The following ADAMTS12 variants were observed in gnomAD, a reference collection of about 807,000 sequenced individuals.
ADAMTS12 encodes the protein ADAM metallopeptidase with thrombospondin type 1 motif 12.
In ADAMTS12, 118 loss-of-function variants were observed where a neutral mutation model predicts 167.8. The observed-to-expected ratio is 0.70, with a 90% CI of 0.61 to 0.82. The LOEUF (loss-of-function observed/expected upper bound fraction) is 0.82, where lower values mean the gene tolerates loss of function less well. Among genes scored for constraint, ADAMTS12 ranks in the 40% least tolerant of loss-of-function variants. ADAMTS12 has a pLI of 0.00. For missense variants in ADAMTS12, 1,916 were observed against 1,998.8 expected (o/e 0.96, Z 0.79); for synonymous variants, 704 against 716.9 (o/e 0.98, Z 0.29).
Position 33,524,609 on chromosome 5 carries a change from T to C in ADAMTS12, c.*2579A>G, listed in dbSNP as rs1390716080. 2 of 152,206 alleles carry C rather than the reference T, an allele frequency of 1.3e-5. No homozygotes were observed. Among genetic ancestry groups the C allele is most frequent in the African/African-American group, 4.8e-5 (2 of 41,442 alleles). 9.4% of individuals were successfully genotyped at this position (152,206 alleles called of 1,614,324 possible). A position where few individuals can be genotyped will look rare whatever the true frequency, so the allele number is the denominator to read the frequency against. ...GGTTCCTGTCTTCAGAGTCTTCCTG[T>C]TGATCTGAGTCCCCTCTTGTACAGC... On this transcript the variant is annotated 3_prime_UTR_variant, in exon 24 of 24. Coordinates refer to ENST00000504830, the MANE Select transcript of ADAMTS12 (RefSeq NM_030955.4).
chr5:33,614,932 T>C lies in ADAMTS12; in HGVS notation c.2389-556A>G, dbSNP rs77225619. On this transcript the variant is annotated intron_variant, in intron 15 of 23. Coordinates refer to ENST00000504830, the MANE Select transcript of ADAMTS12 (RefSeq NM_030955.4). ...TATGTTTGTTATTGTTGTCTTACGA[T>C]GGCTTTCCCTACCTCTCAGGCTACT... Among the ~76,000 whole-genome samples the C allele has an allele frequency of 4.9e-3, 741 of 152,290 alleles. 21 individuals carry two copies. In the South Asian group the frequency reaches 0.079, roughly 16 times the overall value.
intron 5 of ADAMTS12, among the ~76,000 whole-genome samples, chr5:33,667,381 T>C (rs1206525825): frequency 1.3e-5 from 2 of 148,880 alleles, no homozygotes; most frequent in Non-Finnish European, 3.0e-5. Context: ...AGAGTAAATA[T>C]ACAACCTCAA....
At chr5:33,874,456 T>C (rs1247126738) in intron 2 of ADAMTS12, among the ~76,000 whole-genome samples, 3 of 152,096 alleles carry the variant, frequency 2.0e-5, no homozygotes, top group Non-Finnish European at 2.9e-5. Flanking sequence ...TATGGAGCAA[T>C]AGGAACTCAC....
chr5:33,832,691 G>C (rs1215738854), intron 2 of ADAMTS12, among the ~76,000 whole-genome samples: 1 of 152,104 alleles, frequency 6.6e-6, no homozygotes, highest in Non-Finnish European at 1.5e-5. Flanking sequence ...GCTTGGTTTG[G>C]GGACAATAAT....
intron 2 of ADAMTS12, among the ~76,000 whole-genome samples, chr5:33,763,128 C>T (rs1579915375): frequency 6.6e-6 from 1 of 152,138 alleles, no homozygotes; most frequent in East Asian, 1.9e-4. Flanking sequence ...GTGTGGTAGG[C>T]TGAATATAGT....
At chr5:33,637,972 C>T (rs182101629) in intron 11 of ADAMTS12, among the ~76,000 whole-genome samples, 38 of 152,276 alleles carry the variant, frequency 2.5e-4, no homozygotes, top group Admixed American at 5.2e-4. Flanking sequence ...TCATTTCCAC[C>T]TGTATATCCT....
chr5:33,649,333 G>A (rs1443740692), intron 8 of ADAMTS12, among the ~76,000 whole-genome samples: 1 of 152,162 alleles, frequency 6.6e-6, no homozygotes, highest in East Asian at 1.9e-4. Flanking sequence ...ATCTGGGATG[G>A]GACAGGATGC....
chr5:33,608,326 G>C (rs1243773562), intron 16 of ADAMTS12, among the ~76,000 whole-genome samples: 1 of 152,288 alleles, frequency 6.6e-6, no homozygotes, highest in East Asian at 1.9e-4. Flanking sequence ...CAAATAATCA[G>C]AGGTAGATGA....
chr5:33,637,859 A>C, intron 11 of ADAMTS12, 113 bp from the exon 12 acceptor site: 1 of 1,118,110 alleles, frequency 8.9e-7, no homozygotes. Flanking sequence ...TGCCCTCAAA[A>C]CTTACCTTTT....
At chr5:33,697,348 A>G (rs1182506836) in intron 3 of ADAMTS12, among the ~76,000 whole-genome samples, 1 of 152,208 alleles carries the variant, frequency 6.6e-6, no homozygotes, top group East Asian at 1.9e-4. Context: ...GAGGCATTTA[A>G]AAGGAAAAAG....
At chr5:33,791,649 T>C (rs1746574372) in intron 2 of ADAMTS12, among the ~76,000 whole-genome samples, 1 of 152,184 alleles carries the variant, frequency 6.6e-6, no homozygotes, top group Admixed American at 6.5e-5. Flanking sequence ...CCATGAATGC[T>C]TGTTTCTTTG....
chr5:33,795,813 G>A (rs902186216), intron 2 of ADAMTS12, among the ~76,000 whole-genome samples: 1 of 152,140 alleles, frequency 6.6e-6, no homozygotes, highest in South Asian at 2.1e-4. Context: ...GCCTGAGGCC[G>A]ATTACTTCAC....
rs769450738 is a variant in ADAMTS12 at position 33,614,346 on chromosome 5, T to C, written c.2419A>G (p.Lys807Glu). 1 of 1,614,104 alleles carries C rather than the reference T, an allele frequency of 6.2e-7. No individual in the cohort carries two copies. Among genetic ancestry groups the C allele is most frequent in the South Asian group, 1.1e-5 (1 of 91,070 alleles). The change falls in exon 16 of 24, where the codon AAG (lysine) becomes GAG (glutamate). Residue 807 changes from lysine to glutamate, a missense_variant. Transcript: ENST00000504830. Reference sequence around the variant, plus strand: ...TCTTTCTGGATTGTGTACTCATACTTGATGCCAGGGTTAGTCACCTGGAAT... The same window carrying C: ...TCTTTCTGGATTGTGTACTCATACTCGATGCCAGGGTTAGTCACCTGGAAT... ...LLFQVTNPGI[K>E]YEYTIQKDGL...
rs956062827 is a variant in ADAMTS12 at position 33,847,786 on chromosome 5, T to C, written c.489+33333A>G. Among the ~76,000 whole-genome samples the C allele has an allele frequency of 3.3e-5, 5 of 152,276 alleles. No homozygotes were observed. The East Asian group carries it at 7.7e-4, about 24-fold the overall frequency. On this transcript the variant is annotated intron_variant, in intron 2 of 23. Coordinates refer to ENST00000504830, the MANE Select transcript of ADAMTS12 (RefSeq NM_030955.4). ...GGCCTTGGAGAGGCTCAGGTGAAGC[T>C]GTTACCAGAAAACAGGCCACCTTTA...
At chr5:33,793,804 G>A (rs1410348153) in intron 2 of ADAMTS12, among the ~76,000 whole-genome samples, 4 of 152,032 alleles carry the variant, frequency 2.6e-5, no homozygotes, top group African/African-American at 9.7e-5. Flanking sequence ...CCAGGCGAAG[G>A]GCGAGATGGG....
Position 33,881,362 on chromosome 5 carries a change from T to C in ADAMTS12, c.246A>G (p.Arg82=), listed in dbSNP as rs2111776041. 6.2e-7 allele frequency: 1 copy of C among 1,614,128 alleles called. No homozygotes were observed. Among genetic ancestry groups the C allele is most frequent in the East Asian group, 2.2e-5 (1 of 44,882 alleles). ...HYPITSSRRK[R]DLDGSEDWVY... is the part of the protein sequence containing the mutation. Reference sequence around the variant, plus strand: ...CCCAGTCCTCTGAGCCATCCAAATCTCTCTTCCTCCTGCTGCTCGTGATGG... The same window carrying C: ...CCCAGTCCTCTGAGCCATCCAAATCCCTCTTCCTCCTGCTGCTCGTGATGG... The change falls in exon 2 of 24, where the codon AGA becomes AGG. Residue 82 remains arginine, a synonymous_variant. Transcript: ENST00000504830.
At chr5:33,837,144 C>T (rs967610507) in intron 2 of ADAMTS12, among the ~76,000 whole-genome samples, 2 of 152,080 alleles carry the variant, frequency 1.3e-5, no homozygotes, top group African/African-American at 4.8e-5. Context: ...TCTGGCTGTC[C>T]TGTGTAGACA....
chr5:33,527,080 G>C lies in ADAMTS12; in HGVS notation c.*108C>G. On this transcript the variant is annotated 3_prime_UTR_variant, in exon 24 of 24. Transcript: ENST00000504830. Reference sequence around the variant, plus strand: ...TTTTGTTTCATCATGACCCAAAGCTGAATCTGAAATATATGAAGCAAAACC... The same window carrying C: ...TTTTGTTTCATCATGACCCAAAGCTCAATCTGAAATATATGAAGCAAAACC... 1 of 1,397,490 alleles carries C rather than the reference G, an allele frequency of 7.2e-7. No homozygotes were observed. The highest frequency in any genetic ancestry group is 2.0e-5 in the Admixed American group (1 of 48,902). 86.6% of individuals were successfully genotyped at this position (1,397,490 alleles called of 1,614,324 possible).
At chr5:33,561,211 CTGAG>C in intron 19 of ADAMTS12, 32 bp from the exon 20 acceptor site, 1 of 1,606,454 alleles carries the variant, frequency 6.2e-7, no homozygotes. Flanking sequence ...ATGACAGAGG[CTGAG>C]TGTCACCTTC....
Sources: gnomAD v4.1 joint callset for allele counts (sites outside exome capture counted in the v4.1 genomes callset) on GRCh38, gnomAD v4.1.1 for gene constraint, MANE v1.5 for transcripts, NCBI Gene and HGNC (gene_info 2026-07-23, HGNC 2026-07-21) for gene names.